ALK: variants seen among roughly 807,000 people sequenced by gnomAD.
ALK encodes ALK tyrosine kinase receptor.
A neutral mutation model predicts 163.1 loss-of-function variants in ALK; 74 were observed. The ratio of observed to expected loss-of-function variants is 0.45; its 90% confidence interval spans 0.38 to 0.55. The LOEUF is 0.55. Ranked by LOEUF, ALK falls within the 20% of genes least tolerant of loss-of-function variation. ALK has a pLI of 0.00. For synonymous variants in ALK, 960 were observed against 843.2 expected, an observed-to-expected ratio of 1.14 and a Z score of -2.40; for missense variants, 2,063 against 2,105.3, an observed-to-expected ratio of 0.98 and a Z score of 0.39.
chr2:29,339,331 C>T (rs1197236061), intron 5 of ALK, among the ~76,000 whole-genome samples: 1 of 151,580 alleles, frequency 6.6e-6, no homozygotes, highest in Non-Finnish European at 1.5e-5. Context: ...ATGAAAAAGG[C>T]TGTGGAGGAG....
chr2:29,412,306 G>C (rs1465320377), intron 4 of ALK, among the ~76,000 whole-genome samples: 1 of 152,216 alleles, frequency 6.6e-6, no homozygotes, highest in Non-Finnish European at 1.5e-5. Flanking sequence ...CATCTTGGAG[G>C]AGGAGCTGGG....
intron 4 of ALK, among the ~76,000 whole-genome samples, chr2:29,416,878 A>G (rs1042014642): frequency 2.6e-5 from 4 of 151,738 alleles, no homozygotes; most frequent in African/African-American, 9.7e-5. Flanking sequence ...ATGTATCACC[A>G]GCATCTGGCT....
chr2:29,289,241 C>T (rs531418385), intron 9 of ALK, among the ~76,000 whole-genome samples: 2 of 152,230 alleles, frequency 1.3e-5, no homozygotes, highest in South Asian at 4.1e-4. Context: ...CAGGTGGGAC[C>T]CCAGCCCTGC....
intron 4 of ALK, among the ~76,000 whole-genome samples, chr2:29,511,222 T>C (rs1220248584): frequency 4.6e-5 from 7 of 152,150 alleles, no homozygotes; most frequent in Admixed American, 3.3e-4. Context: ...ATTCCAAATA[T>C]AGAACATTTC....
intron 2 of ALK, among the ~76,000 whole-genome samples, chr2:29,699,027 C>T: frequency 6.6e-6 from 1 of 152,298 alleles, no homozygotes; most frequent in Non-Finnish European, 1.5e-5. Context: ...TCTTATTTTC[C>T]TTGGGCCTCT....
At chr2:29,514,040 A>T (rs1558360568) in intron 4 of ALK, among the ~76,000 whole-genome samples, 1 of 101,714 alleles carries the variant, frequency 9.8e-6, no homozygotes, top group Non-Finnish European at 2.0e-5. Flanking sequence ...GAACACTTTT[A>T]CACTGTTGGT....
At chr2:29,490,821 G>A (rs1671883303) in intron 4 of ALK, among the ~76,000 whole-genome samples, 1 of 152,102 alleles carries the variant, frequency 6.6e-6, no homozygotes, top group South Asian at 2.1e-4. Flanking sequence ...CCATCTCATG[G>A]CAGATCTAAT....
intron 1 of ALK, among the ~76,000 whole-genome samples, chr2:29,858,689 G>T (rs1255384682): frequency 1.3e-5 from 2 of 152,220 alleles, no homozygotes; most frequent in East Asian, 3.9e-4. Flanking sequence ...GATGCAGTGA[G>T]CCAAGATTGC....
chr2:29,387,357 G>A (rs1161312655), intron 4 of ALK, among the ~76,000 whole-genome samples: 8 of 152,104 alleles, frequency 5.3e-5, no homozygotes, highest in Non-Finnish European at 7.4e-5. Context: ...AGAAAAACAC[G>A]GACCAGCCAT....
At chr2:29,405,595 A>G (rs1398030701) in intron 4 of ALK, among the ~76,000 whole-genome samples, 1 of 152,206 alleles carries the variant, frequency 6.6e-6, no homozygotes, top group African/African-American at 2.4e-5. Context: ...GGTCTGGCCA[A>G]TTTGGAAGCT....
intron 1 of ALK, among the ~76,000 whole-genome samples, chr2:29,822,357 G>A (rs751183963): frequency 2.0e-5 from 3 of 152,234 alleles, no homozygotes; most frequent in Non-Finnish European, 4.4e-5. Context: ...AGGCAGAGGG[G>A]AGACAAAGGC....
intron 1 of ALK, among the ~76,000 whole-genome samples, chr2:29,825,265 T>A (rs894563679): frequency 1.3e-5 from 2 of 152,212 alleles, no homozygotes; most frequent in African/African-American, 4.8e-5. Flanking sequence ...GACTAATACA[T>A]CTGCTTCATC....
At chr2:29,758,970 T>G (rs1003513515) in intron 1 of ALK, among the ~76,000 whole-genome samples, 9 of 152,196 alleles carry the variant, frequency 5.9e-5, no homozygotes, top group African/African-American at 7.2e-5. Flanking sequence ...GGCTAAATCT[T>G]GCTTTTTTTT....
At chr2:29,763,286 T>C (rs1044493524) in intron 1 of ALK, among the ~76,000 whole-genome samples, 2 of 152,048 alleles carry the variant, frequency 1.3e-5, no homozygotes, top group African/African-American at 4.8e-5. Flanking sequence ...ATGGTATCAG[T>C]ATAGAATGAG....
chr2:29,796,879 T>C (rs539641238), intron 1 of ALK, among the ~76,000 whole-genome samples: 1 of 152,136 alleles, frequency 6.6e-6, no homozygotes, highest in African/African-American at 2.4e-5. Flanking sequence ...ATTCTATTAG[T>C]GTAATTTTAG....
intron 2 of ALK, 66 bp downstream of exon 2, chr2:29,717,512 A>T: frequency 6.3e-7 from 1 of 1,594,294 alleles, no homozygotes. Context: ...CCAAACTGAA[A>T]CTCACAGAGT....
At chr2:29,513,004 G>A (rs1352788186) in intron 4 of ALK, among the ~76,000 whole-genome samples, 7 of 151,348 alleles carry the variant, frequency 4.6e-5, no homozygotes, top group South Asian at 4.2e-4. Context: ...AAAAGAGGAT[G>A]CAAACAAATG....
chr2:29,733,240 G>GT (rs1361467897), intron 1 of ALK, among the ~76,000 whole-genome samples: 1 of 152,208 alleles, frequency 6.6e-6, no homozygotes, highest in Non-Finnish European at 1.5e-5. Context: ...GGATCTGCTG[G>GT]TATCACCCAG....
chr2:29,281,387 G>A (rs1665715226), intron 9 of ALK, among the ~76,000 whole-genome samples: 2 of 152,138 alleles, frequency 1.3e-5, no homozygotes. Context: ...AGCCCTTTGG[G>A]GTTCCTTCCA....
Sources: allele counts gnomAD v4.1 joint callset (sites outside exome capture counted in the v4.1 genomes callset), GRCh38; gene constraint gnomAD v4.1.1; transcripts MANE v1.5; gene names NCBI Gene and HGNC (gene_info 2026-07-23, HGNC 2026-07-21).